Variants in GPSM2 observed in about 807,000 individuals in gnomAD.
The protein encoded by GPSM2 is G protein signaling modulator 2, also known as G protein-signaling modulator 2.
GPSM2 carries 58 observed loss-of-function variants against 78.4 expected under a neutral mutation model. That is an observed-to-expected ratio of 0.74 (90% confidence interval 0.60 to 0.92). The LOEUF is 0.92. Ranked by LOEUF, GPSM2 falls within the 40% of genes least tolerant of loss-of-function variation. The pLI is 0.00. For synonymous variants in GPSM2, 224 were observed against 280.2 expected (o/e 0.80, Z 2.00); for missense variants, 700 against 815.5 (o/e 0.86, Z 1.73).
intron 10 of GPSM2, among the ~76,000 whole-genome samples, chr1:108,911,013 C>T (rs1185453718): frequency 6.6e-6 from 1 of 151,872 alleles, no homozygotes; most frequent in Non-Finnish European, 1.5e-5. Context: ...TTCATTAGAA[C>T]TATTAAATGA....
intron 1 of GPSM2, among the ~76,000 whole-genome samples, chr1:108,880,941 C>T (rs1408601687): frequency 1.3e-5 from 2 of 152,176 alleles, no homozygotes; most frequent in African/African-American, 2.4e-5. Context: ...ACCTGGTTTG[C>T]AAACTTTTTA....
chr1:108,911,890 C>T lies in GPSM2; in HGVS notation c.1193-2448C>T, dbSNP rs537231345. ...GAGTCATCTCAGCTTACTGCAGCCTCTACCTCCCAGGCTCAAGCAATCTGC... is the reference window on the plus strand; with the variant it reads ...GAGTCATCTCAGCTTACTGCAGCCTTTACCTCCCAGGCTCAAGCAATCTGC... On this transcript the variant is annotated intron_variant, in intron 10 of 14. Coordinates refer to ENST00000264126, the MANE Select transcript of GPSM2 (RefSeq NM_013296.5). 4.2e-4 allele frequency among the ~76,000 whole-genome samples: 63 copies of T among 149,184 alleles called. No homozygotes were observed. In the Middle Eastern group the frequency reaches 0.01, roughly 25 times the overall value.
chr1:108,917,607 CACACATATATATATATATATATATATAT>C (rs1332459855), intron 11 of GPSM2, among the ~76,000 whole-genome samples: 5 of 26,180 alleles, frequency 1.9e-4, no homozygotes, highest in African/African-American at 1.1e-3. Context: ...CACACACACA[CACACATATATATATATATATATATATAT>C]ATATATATAT....
chr1:108,908,996 A>G (rs771973952), intron 10 of GPSM2, among the ~76,000 whole-genome samples: 20 of 148,612 alleles, frequency 1.3e-4, no homozygotes, highest in Non-Finnish European at 2.7e-4. Flanking sequence ...TTAATTAGCC[A>G]TGCATGGTAG....
intron 1 of GPSM2, among the ~76,000 whole-genome samples, chr1:108,881,407 A>G (rs1665895425): frequency 6.6e-6 from 1 of 152,190 alleles, no homozygotes; most frequent in Non-Finnish European, 1.5e-5. Flanking sequence ...TTCTTATCCT[A>G]ATGATCAAAT....
At chr1:108,907,061 C>T (rs61799984) in intron 10 of GPSM2, among the ~76,000 whole-genome samples, 47 of 152,302 alleles carry the variant, frequency 3.1e-4, no homozygotes, top group Non-Finnish European at 6.0e-4. Flanking sequence ...TTGAAAGGCC[C>T]TATGTAATCT....
chr1:108,899,858 A>T (rs1259371714), intron 7 of GPSM2, among the ~76,000 whole-genome samples: 27 of 152,252 alleles, frequency 1.8e-4, no homozygotes, highest in Non-Finnish European at 4.4e-5. Flanking sequence ...AAAAAAATTA[A>T]ATAGCATTCC....
intron 13 of GPSM2, 98 bp from the exon 14 acceptor site, chr1:108,923,902 G>A (rs1650922867): frequency 1.1e-6 from 1 of 875,352 alleles, no homozygotes; most frequent in Admixed American, 1.9e-5. Flanking sequence ...GGACTGGCAA[G>A]GCCGAAAAGA....
intron 2 of GPSM2, among the ~76,000 whole-genome samples, chr1:108,889,754 C>T (rs1647837908): frequency 6.6e-6 from 1 of 152,118 alleles, no homozygotes; most frequent in Non-Finnish European, 1.5e-5. Context: ...TTTGACTTGT[C>T]ACTAGTGGGC....
Position 108,924,169 on chromosome 1 carries a change from CAA to C in GPSM2, c.1772_1773del (p.Lys591ArgfsTer3), listed in dbSNP as rs1650953096. On this transcript the variant is annotated frameshift_variant, in exon 14 of 15. Transcript: ENST00000264126. LOFTEE classifies it high-confidence loss of function. ...VLSHLMTNDN[K>X]EADEDFFDIL... ...TTAGCCACCTGATGACTAATGACAA[CAA>C]AGAGGCTGATGAAGATTTCTTTGAC... The C allele has an allele frequency of 1.2e-6, 2 of 1,613,746 alleles. No individual in the cohort carries two copies. Among genetic ancestry groups the C allele is most frequent in the Non-Finnish European group, 8.5e-7 (1 of 1,179,722 alleles).
intron 13 of GPSM2, 39 bp from the exon 14 acceptor site, chr1:108,923,960 TG>T (rs201093994): frequency 1.4e-6 from 2 of 1,435,572 alleles, no homozygotes; most frequent in Non-Finnish European, 9.8e-7. Context: ...TTTTGTTTTT[TG>T]TTTTTTTTTA....
intron 10 of GPSM2, among the ~76,000 whole-genome samples, chr1:108,911,135 AAGAAT>A (rs1649707806): frequency 6.6e-6 from 1 of 152,320 alleles, no homozygotes; most frequent in South Asian, 2.1e-4. Context: ...CTGAAAGTAA[AAGAAT>A]AGAAGATTCA....
intron 2 of GPSM2, among the ~76,000 whole-genome samples, chr1:108,890,970 A>T (rs1305855515): frequency 1.3e-5 from 2 of 152,214 alleles, no homozygotes; most frequent in African/African-American, 4.8e-5. Context: ...AAAAAGATTA[A>T]TCTTTTAAAG....
At chr1:108,922,005 T>TA (rs34653521) in intron 12 of GPSM2, among the ~76,000 whole-genome samples, 13,609 of 151,806 alleles carry the variant, frequency 0.09, 830 homozygotes, top group Middle Eastern at 0.17. Flanking sequence ...AATCTAAGTA[T>TA]AAAAAAAAGA....
At position 108,932,255 on chromosome 1, in the gene GPSM2, C is replaced by G. The variant is rs1652120911; in HGVS notation, c.*2315C>G. The G allele has an allele frequency of 6.6e-6, 1 of 152,138 alleles. No individual in the cohort carries two copies. The highest frequency in any genetic ancestry group is 2.1e-4 in the South Asian group (1 of 4,832). The allele number at this position is 152,138 out of a possible 1,614,324, so 9.4% of individuals were successfully genotyped here. On this transcript the variant is annotated 3_prime_UTR_variant, in exon 15 of 15. Coordinates refer to ENST00000264126, the MANE Select transcript of GPSM2 (RefSeq NM_013296.5). ...TACCACCTCACTCCAGCCTGGGTGA[C>G]AGAGCAAAACTCTCAAAAAAAAGTA... is the stretch of plus-strand genomic sequence containing the variant.
intron 8 of GPSM2, among the ~76,000 whole-genome samples, chr1:108,902,161 T>C (rs1388578314): frequency 6.6e-6 from 1 of 152,070 alleles, no homozygotes; most frequent in Admixed American, 6.6e-5. Flanking sequence ...GATCAATGAC[T>C]AGGTCCCAAA....
Position 108,889,284 on chromosome 1 carries a change from G to A in GPSM2, c.56+3706G>A, listed in dbSNP as rs534457840. 3.3e-5 allele frequency among the ~76,000 whole-genome samples: 5 copies of A among 152,308 alleles called. No individual in the cohort carries two copies. The East Asian group carries it at 5.8e-4, about 18-fold the overall frequency. ...GTGTCTGGTTTCCATTAACTGGAACGGGACCTCACATTCTGTATTTGTCCC... is the reference window on the plus strand; with the variant it reads ...GTGTCTGGTTTCCATTAACTGGAACAGGACCTCACATTCTGTATTTGTCCC... On this transcript the variant is annotated intron_variant, in intron 2 of 14. Coordinates refer to ENST00000264126, the MANE Select transcript of GPSM2 (RefSeq NM_013296.5).
At chr1:108,928,175 C>T (rs1234720213) in intron 14 of GPSM2, among the ~76,000 whole-genome samples, 5 of 152,054 alleles carry the variant, frequency 3.3e-5, no homozygotes, top group African/African-American at 7.2e-5. Flanking sequence ...GGATTAATAC[C>T]CAGAATATAT....
chr1:108,884,490 G>A (rs1647378211), intron 1 of GPSM2, among the ~76,000 whole-genome samples: 1 of 151,628 alleles, frequency 6.6e-6, no homozygotes, highest in African/African-American at 2.4e-5. Flanking sequence ...AAAAATCTCA[G>A]AAACAACGTT....
Sources: allele counts gnomAD v4.1 joint callset (sites outside exome capture counted in the v4.1 genomes callset), GRCh38; gene constraint gnomAD v4.1.1; transcripts MANE v1.5; gene names NCBI Gene and HGNC (gene_info 2026-07-23, HGNC 2026-07-21).